TNFRSF21: variants seen among roughly 807,000 people sequenced by gnomAD.
The protein encoded by TNFRSF21 is tumor necrosis factor receptor superfamily member 21.
In TNFRSF21, 19 loss-of-function variants were observed where a neutral mutation model predicts 45.6. The observed-to-expected ratio is 0.42, with a 90% CI of 0.29 to 0.61. The LOEUF (loss-of-function observed/expected upper bound fraction) is 0.61, where lower values mean the gene tolerates loss of function less well. TNFRSF21 is among the 20% of genes least tolerant of loss of function. The pLI, the probability that TNFRSF21 is intolerant of heterozygous loss-of-function variation, is 0.23. For missense variants in TNFRSF21, 737 were observed against 851.5 expected (o/e 0.87, Z 1.67); for synonymous variants, 314 against 335.5 (o/e 0.94, Z 0.70).
chr6:47,276,913 G>T lies in TNFRSF21; in HGVS notation c.1243+7025C>A, dbSNP rs1762506782. 2.0e-5 allele frequency among the ~76,000 whole-genome samples: 3 copies of T among 152,292 alleles called. No homozygotes were observed. In the South Asian group the frequency reaches 6.2e-4, roughly 32 times the overall value. ...AGCTAATAATCATATCTGGTATGGA[G>T]GGAAACCCATCTTCCTAATAAGCTC... On this transcript the variant is annotated intron_variant, in intron 3 of 5. Transcript: ENST00000296861.
At chr6:47,268,935 G>T (rs1333117360) in intron 3 of TNFRSF21, among the ~76,000 whole-genome samples, 1 of 152,110 alleles carries the variant, frequency 6.6e-6, no homozygotes. Flanking sequence ...TCTCATTCAA[G>T]AAACTTGAGT....
intron 4 of TNFRSF21, among the ~76,000 whole-genome samples, chr6:47,236,101 C>T (rs921645575): frequency 2.0e-5 from 3 of 152,172 alleles, no homozygotes; most frequent in Non-Finnish European, 4.4e-5. Context: ...AAAGTGACTG[C>T]GGCCCAAAGA....
chr6:47,234,769 T>G lies in TNFRSF21; in HGVS notation c.1639A>C (p.Lys547Gln), dbSNP rs1424497167. Reference sequence around the variant, plus strand: ...TCCGACTCATCCACGAAGAAGCCCTTGTTCTTGTCCTGTGGGGAAGGCTCC... The same window carrying G: ...TCCGACTCATCCACGAAGAAGCCCTGGTTCTTGTCCTGTGGGGAAGGCTCC... ...TVEPSPQDKN[K>Q]GFFVDESEPL... Residue 547 changes from lysine to glutamine, a missense_variant, in exon 5 of 6, where the codon AAG (lysine) becomes CAG (glutamine). Coordinates refer to ENST00000296861, the MANE Select transcript of TNFRSF21 (RefSeq NM_014452.5). 1.9e-6 allele frequency: 3 copies of G among 1,607,658 alleles called. No individual in the cohort carries two copies. The highest frequency in any genetic ancestry group is 2.5e-6 in the Non-Finnish European group (3 of 1,177,742).
chr6:47,295,651 G>A (rs1404633802), intron 1 of TNFRSF21, among the ~76,000 whole-genome samples: 1 of 152,154 alleles, frequency 6.6e-6, no homozygotes, highest in Admixed American at 6.5e-5. Context: ...GTAATATCAA[G>A]ACACTGGCTG....
At chr6:47,264,864 C>T (rs1762310137) in intron 3 of TNFRSF21, among the ~76,000 whole-genome samples, 1 of 152,162 alleles carries the variant, frequency 6.6e-6, no homozygotes, top group Non-Finnish European at 1.5e-5. Context: ...GCTGTCAGCC[C>T]ATAGCTGGAA....
intron 4 of TNFRSF21, among the ~76,000 whole-genome samples, chr6:47,245,410 A>T (rs546203085): frequency 5.5e-4 from 84 of 151,458 alleles, no homozygotes; most frequent in African/African-American, 1.9e-3. Context: ...TCAACCTTAA[A>T]GGCAATACTA....
intron 4 of TNFRSF21, among the ~76,000 whole-genome samples, chr6:47,244,093 G>A (rs563442040): frequency 1.2e-4 from 18 of 152,208 alleles, no homozygotes; most frequent in South Asian, 2.1e-4. Flanking sequence ...AGGCCGAGGC[G>A]GGCGGATCAC....
intron 3 of TNFRSF21, among the ~76,000 whole-genome samples, chr6:47,276,726 A>G (rs1222067223): frequency 6.6e-6 from 1 of 152,212 alleles, no homozygotes; most frequent in African/African-American, 2.4e-5. Context: ...CTCTTAAAAT[A>G]TCTCCTAACT....
At chr6:47,238,055 A>T (rs561091378) in intron 4 of TNFRSF21, among the ~76,000 whole-genome samples, 18 of 152,362 alleles carry the variant, frequency 1.2e-4, no homozygotes, top group Non-Finnish European at 2.2e-4. Context: ...GTCTCAAAAA[A>T]AAAGAAAGAA....
At chr6:47,256,996 G>A (rs112707378) in intron 3 of TNFRSF21, among the ~76,000 whole-genome samples, 57 of 152,072 alleles carry the variant, frequency 3.7e-4, no homozygotes, top group African/African-American at 1.2e-3. Context: ...GGGTCACTGC[G>A]GATAAGCTGA....
intron 4 of TNFRSF21, among the ~76,000 whole-genome samples, chr6:47,239,537 C>T (rs1343398470): frequency 6.6e-6 from 1 of 152,144 alleles, no homozygotes; most frequent in Non-Finnish European, 1.5e-5. Context: ...GATCTGGCAG[C>T]ATTCTTGGGT....
intron 3 of TNFRSF21, among the ~76,000 whole-genome samples, chr6:47,271,606 T>G (rs1247659420): frequency 6.6e-6 from 1 of 152,064 alleles, no homozygotes; most frequent in Non-Finnish European, 1.5e-5. Context: ...ACTGCATCAA[T>G]TAACGGGCAA....
Position 47,281,831 on chromosome 6 carries a change from AT to A in TNFRSF21, c.1243+2106del, listed in dbSNP as rs35146692. On this transcript the variant is annotated intron_variant, in intron 3 of 5. Transcript: ENST00000296861. ...TTTGGAATTATGTACAAATAAAAAG[AT>A]TTTTTTTTTTTTAATTAAAAAGAAG... Among the ~76,000 whole-genome samples, 630 of 147,686 alleles carry A rather than the reference AT, an allele frequency of 4.3e-3. 1 individual carries two copies. Among genetic ancestry groups the A allele is most frequent in the African/African-American group, 8.3e-3 (335 of 40,380 alleles).
chr6:47,274,807 C>A (rs1762474126), intron 3 of TNFRSF21, among the ~76,000 whole-genome samples: 2 of 152,092 alleles, frequency 1.3e-5, no homozygotes, highest in Non-Finnish European at 1.5e-5. Flanking sequence ...AAACAAACAA[C>A]CCCATCAAAA....
intron 1 of TNFRSF21, among the ~76,000 whole-genome samples, chr6:47,292,734 C>T (rs1023108999): frequency 2.0e-5 from 3 of 152,188 alleles, no homozygotes; most frequent in Admixed American, 2.0e-4. Flanking sequence ...ACATTTAAGT[C>T]TCTGCTCAAA....
chr6:47,297,484 G>A (rs1343635634), intron 1 of TNFRSF21, among the ~76,000 whole-genome samples: 1 of 147,258 alleles, frequency 6.8e-6, no homozygotes, highest in East Asian at 2.0e-4. Context: ...TTTCTAACGA[G>A]TGATGGAAAA....
chr6:47,273,651 G>A (rs1287757037), intron 3 of TNFRSF21, among the ~76,000 whole-genome samples: 2 of 152,206 alleles, frequency 1.3e-5, no homozygotes, highest in Non-Finnish European at 2.9e-5. Flanking sequence ...AAAGTTGGAA[G>A]TTCTGGCCAG....
intron 4 of TNFRSF21, among the ~76,000 whole-genome samples, chr6:47,243,036 G>T (rs1303788624): frequency 6.6e-6 from 1 of 152,218 alleles, no homozygotes; most frequent in Admixed American, 6.5e-5. Flanking sequence ...AGACCTTGAA[G>T]TAAGAAGGCT....
chr6:47,297,971 C>G lies in TNFRSF21; in HGVS notation c.97-11376G>C, dbSNP rs375881540. Among the ~76,000 whole-genome samples, 19 of 152,174 alleles carry G rather than the reference C, an allele frequency of 1.2e-4. 1 individual carries two copies. The South Asian group carries it at 3.1e-3, about 25-fold the overall frequency. On this transcript the variant is annotated intron_variant, in intron 1 of 5. Transcript: ENST00000296861. The stretch of plus-strand genomic sequence containing the variant: ...AAAGAAACAAAAAATACAGACTGCA[C>G]AGTAAAGAGTTAAAAGAGAAACATG...
Sources: gnomAD v4.1 joint callset for allele counts (sites outside exome capture counted in the v4.1 genomes callset) on GRCh38, gnomAD v4.1.1 for gene constraint, MANE v1.5 for transcripts, NCBI Gene and HGNC (gene_info 2026-07-23, HGNC 2026-07-21) for gene names.